Variants in SCFD2 observed in about 807,000 individuals in gnomAD.
SCFD2 encodes sec1 family domain containing 2.
Under a neutral mutation model 58.9 loss-of-function variants are expected in SCFD2, and 54 were observed. The observed-to-expected ratio is 0.92, with a 90% CI of 0.74 to 1.15. The LOEUF (loss-of-function observed/expected upper bound fraction) is 1.15. Among genes scored for constraint, SCFD2 ranks in the 50% most tolerant of loss-of-function variants. SCFD2 has a pLI of 0.00. For missense variants in SCFD2, 805 were observed against 836.6 expected (o/e 0.96, Z 0.47); for synonymous variants, 321 against 335.9 (o/e 0.96, Z 0.49).
At chr4:52,996,016 T>G (rs139029975) in intron 5 of SCFD2, among the ~76,000 whole-genome samples, 4 of 152,228 alleles carry the variant, frequency 2.6e-5, no homozygotes, top group African/African-American at 9.6e-5. Context: ...CTCTGCCTAT[T>G]CAACATTAAA....
chr4:52,996,865 G>A (rs890834722), intron 5 of SCFD2, among the ~76,000 whole-genome samples: 2 of 152,174 alleles, frequency 1.3e-5, no homozygotes, highest in African/African-American at 4.8e-5. Flanking sequence ...GAAAAGATAA[G>A]GCTGCATTCC....
rs796656145 is a variant in SCFD2 at position 52,973,096 on chromosome 4, C to A, written c.1562-52226G>T. 5.5e-3 allele frequency among the ~76,000 whole-genome samples: 843 copies of A among 152,148 alleles called. 9 individuals are homozygous for A. Among genetic ancestry groups the A allele is most frequent in the South Asian group, 0.046 (221 of 4,806 alleles). On this transcript the variant is annotated intron_variant, in intron 5 of 8. Coordinates refer to ENST00000401642, the MANE Select transcript of SCFD2 (RefSeq NM_152540.4). Reference sequence around the variant, plus strand: ...ATCTAAAATTGACACCCTAACATCACAATTAAAAGAACTAGAGAAGCAAGA... The same window carrying A: ...ATCTAAAATTGACACCCTAACATCAAAATTAAAAGAACTAGAGAAGCAAGA...
At chr4:52,914,769 T>C (rs1183142320) in intron 6 of SCFD2, among the ~76,000 whole-genome samples, 3 of 152,190 alleles carry the variant, frequency 2.0e-5, no homozygotes, top group Admixed American at 6.5e-5. Context: ...TTTACACCAG[T>C]GCAATTGTAC....
At chr4:53,238,043 G>T (rs1288591590) in intron 4 of SCFD2, among the ~76,000 whole-genome samples, 6 of 134,970 alleles carry the variant, frequency 4.4e-5, no homozygotes, top group East Asian at 2.4e-4. Context: ...GTGGCTGGCC[G>T]GGCGGGGGGC....
intron 5 of SCFD2, chr4:52,948,533 C>G (rs1314070127): frequency 4.4e-6 from 2 of 456,362 alleles, no homozygotes; most frequent in South Asian, 3.1e-5. Flanking sequence ...GCAATTTAAT[C>G]TGTACAGAAC....
chr4:53,362,684 CA>C (rs11377729), intron 1 of SCFD2, among the ~76,000 whole-genome samples: 18 of 146,962 alleles, frequency 1.2e-4, no homozygotes, highest in South Asian at 2.1e-4. Flanking sequence ...TAAAATAAAG[CA>C]AAAAAAAAAA....
chr4:53,039,366 C>T (rs1380810525), intron 5 of SCFD2, among the ~76,000 whole-genome samples: 1 of 152,134 alleles, frequency 6.6e-6, no homozygotes, highest in African/African-American at 2.4e-5. Flanking sequence ...CCTTAAAATA[C>T]CAATTTCATT....
At chr4:53,239,649 T>C (rs1729828121) in intron 4 of SCFD2, among the ~76,000 whole-genome samples, 1 of 152,080 alleles carries the variant, frequency 6.6e-6, no homozygotes, top group African/African-American at 2.4e-5. Flanking sequence ...CACACCCAGC[T>C]AATTTTGTAT....
intron 1 of SCFD2, among the ~76,000 whole-genome samples, chr4:53,356,438 G>T (rs115772495): frequency 0.018 from 2,723 of 152,082 alleles, 81 homozygotes; most frequent in African/African-American, 0.062. Context: ...CATATATAGA[G>T]AGAGAGAGAC....
intron 4 of SCFD2, among the ~76,000 whole-genome samples, chr4:53,224,759 T>A (rs1729151775): frequency 6.6e-6 from 1 of 151,460 alleles, no homozygotes; most frequent in South Asian, 2.1e-4. Flanking sequence ...CAGCAATAGA[T>A]AACTGAAAAA....
chr4:53,108,173 A>G (rs1725060416), intron 5 of SCFD2, among the ~76,000 whole-genome samples: 1 of 152,214 alleles, frequency 6.6e-6, no homozygotes, highest in Non-Finnish European at 1.5e-5. Flanking sequence ...TTTGAAATCA[A>G]TGAGAACAAA....
At chr4:52,956,227 C>T in intron 5 of SCFD2, 1 of 456,726 alleles carries the variant, frequency 2.2e-6, no homozygotes, top group Non-Finnish European at 4.4e-6. Context: ...TCCTACCTGC[C>T]TCCCCATCAT....
intron 3 of SCFD2, among the ~76,000 whole-genome samples, chr4:53,298,186 C>A (rs185305320): frequency 2.1e-4 from 32 of 152,256 alleles, no homozygotes; most frequent in Middle Eastern, 3.4e-3. Flanking sequence ...CAGGGAATTC[C>A]CTTTCCTAGT....
intron 5 of SCFD2, among the ~76,000 whole-genome samples, chr4:53,124,513 G>T (rs1725570535): frequency 6.6e-6 from 1 of 152,176 alleles, no homozygotes; most frequent in Non-Finnish European, 1.5e-5. Flanking sequence ...TGGTTTGGGG[G>T]AAGAATAACT....
chr4:53,312,275 T>C (rs1344046718), intron 3 of SCFD2, among the ~76,000 whole-genome samples: 3 of 152,200 alleles, frequency 2.0e-5, no homozygotes, highest in Non-Finnish European at 4.4e-5. Context: ...ACTTCCGGCA[T>C]TGGCTGTACA....
intron 5 of SCFD2, among the ~76,000 whole-genome samples, chr4:52,945,428 T>C (rs1720397880): frequency 6.6e-6 from 1 of 152,164 alleles, no homozygotes; most frequent in Non-Finnish European, 1.5e-5. Context: ...CCAAATCCTC[T>C]CCCCCTCAAC....
intron 3 of SCFD2, among the ~76,000 whole-genome samples, chr4:53,282,135 G>A (rs1482478954): frequency 6.6e-6 from 1 of 152,164 alleles, no homozygotes; most frequent in East Asian, 1.9e-4. Flanking sequence ...GTAGGTTCAG[G>A]GGTAGAGGTG....
At chr4:53,330,242 G>C (rs1003946567) in intron 2 of SCFD2, among the ~76,000 whole-genome samples, 2 of 151,976 alleles carry the variant, frequency 1.3e-5, no homozygotes, top group Non-Finnish European at 2.9e-5. Flanking sequence ...GAAATACAGA[G>C]AACGCCACAA....
At chr4:53,009,391 A>G (rs1440829260) in intron 5 of SCFD2, among the ~76,000 whole-genome samples, 1 of 152,200 alleles carries the variant, frequency 6.6e-6, no homozygotes, top group Admixed American at 6.5e-5. Flanking sequence ...TTTCCTTAAG[A>G]ACAACCTTTT....
Sources: allele counts gnomAD v4.1 joint callset (sites outside exome capture counted in the v4.1 genomes callset), GRCh38; gene constraint gnomAD v4.1.1; transcripts MANE v1.5; gene names NCBI Gene and HGNC (gene_info 2026-07-23, HGNC 2026-07-21).